The following ACBD6 variants were observed in gnomAD, a reference collection of about 807,000 sequenced individuals.
ACBD6 encodes the protein acyl-CoA binding domain containing 6, also known as acyl-CoA-binding domain-containing protein 6.
Under a neutral mutation model 37.2 loss-of-function variants are expected in ACBD6, and 28 were observed. The observed-to-expected ratio is 0.75, with a 90% CI of 0.56 to 1.03. The LOEUF (loss-of-function observed/expected upper bound fraction) is 1.03. ACBD6 is among the 50% of genes least tolerant of loss of function. ACBD6 has a pLI of 0.00. For synonymous variants in ACBD6, 113 were observed against 126.8 expected, an observed-to-expected ratio of 0.89 and a Z score of 0.73; for missense variants, 340 against 337.4, an observed-to-expected ratio of 1.01 and a Z score of -0.06.
At chr1:180,483,223 C>T (rs575165379) in intron 3 of ACBD6, among the ~76,000 whole-genome samples, 1 of 152,150 alleles carries the variant, frequency 6.6e-6, no homozygotes, top group African/African-American at 2.4e-5. Context: ...GAATGTTCTT[C>T]CCCCTGTATG....
At position 180,350,813 on chromosome 1, in the gene ACBD6, T is replaced by C. The variant is rs561840357; in HGVS notation, c.664-36091A>G. ...TTACCTCTTCCAATGCACTTGCAGA[T>C]GATCTCTCATTATGGGATTTGGTTA... is the stretch of plus-strand genomic sequence containing the variant. On this transcript the variant is annotated intron_variant, in intron 6 of 7. Transcript: ENST00000367595. Among the ~76,000 whole-genome samples the C allele has an allele frequency of 5.9e-5, 9 of 152,342 alleles. 1 individual carries two copies. The highest frequency in any genetic ancestry group is 5.2e-4 in the Admixed American group (8 of 15,302).
intron 3 of ACBD6, among the ~76,000 whole-genome samples, chr1:180,472,270 G>A (rs1344173832): frequency 6.6e-6 from 1 of 152,162 alleles, no homozygotes; most frequent in Non-Finnish European, 1.5e-5. Context: ...GATGTGTAAC[G>A]TTTAGGTGAT....
At chr1:180,328,655 A>G (rs1035681546) in intron 6 of ACBD6, among the ~76,000 whole-genome samples, 1 of 152,158 alleles carries the variant, frequency 6.6e-6, no homozygotes, top group African/African-American at 2.4e-5. Flanking sequence ...TGAGGCACTC[A>G]AGCAAACTGG....
chr1:180,427,647 G>A (rs2101993276), intron 4 of ACBD6, among the ~76,000 whole-genome samples: 1 of 152,256 alleles, frequency 6.6e-6, no homozygotes, highest in African/African-American at 2.4e-5. Context: ...TTCATGCCAG[G>A]CACAGCGGCT....
intron 3 of ACBD6, among the ~76,000 whole-genome samples, chr1:180,471,265 G>A (rs573350066): frequency 6.6e-6 from 1 of 152,136 alleles, no homozygotes; most frequent in East Asian, 1.9e-4. Flanking sequence ...GCCAGGCATG[G>A]TAGCATGTGG....
chr1:180,295,678 C>T (rs1649889305), intron 7 of ACBD6, among the ~76,000 whole-genome samples: 1 of 151,978 alleles, frequency 6.6e-6, no homozygotes. Context: ...TTGTGAGGAT[C>T]TATGATAAAT....
chr1:180,354,638 T>C (rs1307422232), intron 6 of ACBD6, among the ~76,000 whole-genome samples: 1 of 152,172 alleles, frequency 6.6e-6, no homozygotes, highest in Non-Finnish European at 1.5e-5. Context: ...AACCCATGCA[T>C]TCAAAGATAA....
intron 6 of ACBD6, among the ~76,000 whole-genome samples, chr1:180,326,110 G>A (rs1055789503): frequency 2.0e-5 from 3 of 152,208 alleles, no homozygotes; most frequent in Non-Finnish European, 4.4e-5. Flanking sequence ...TTCCTTCAGG[G>A]AAGCAAGTTA....
chr1:180,328,292 TAC>T (rs577645300), intron 6 of ACBD6, among the ~76,000 whole-genome samples: 14 of 150,178 alleles, frequency 9.3e-5, no homozygotes, highest in Admixed American at 3.3e-4. Context: ...TATATATATG[TAC>T]ACACACACAC....
intron 6 of ACBD6, among the ~76,000 whole-genome samples, chr1:180,348,225 A>G (rs1024414884): frequency 2.6e-5 from 4 of 152,262 alleles, no homozygotes; most frequent in Admixed American, 6.5e-5. Flanking sequence ...GGCAAATTAA[A>G]AATAAAACCT....
chr1:180,310,783 A>G (rs1650556732), intron 7 of ACBD6, among the ~76,000 whole-genome samples: 2 of 152,204 alleles, frequency 1.3e-5, no homozygotes. Flanking sequence ...TCTCATCAGC[A>G]ATGTATGAGA....
Position 180,413,477 on chromosome 1 carries a change from A to AT in ACBD6, c.468-7dup. 2 of 1,597,474 alleles carry AT rather than the reference A, an allele frequency of 1.3e-6. No individual in the cohort carries two copies. The highest frequency in any genetic ancestry group is 1.7e-6 in the Non-Finnish European group (2 of 1,167,404). The stretch of plus-strand genomic sequence containing the variant: ...ATATATTTTTGTCTTCTTCCCTAGA[A>AT]TAAAAAAAAGAAAGGTCTTTTTTTA... On this transcript the variant is annotated splice_region_variant and splice_polypyrimidine_tract_variant and intron_variant, in intron 4 of 7. Transcript: ENST00000367595.
At position 180,329,227 on chromosome 1, in the gene ACBD6, A is replaced by G. The variant is rs1215453373; in HGVS notation, c.664-14505T>C. ...AACAAAAACATCATTTACTGTACAC[A>G]CTATAAAAGATGCCTTTACAGTGCA... On this transcript the variant is annotated intron_variant, in intron 6 of 7. Coordinates refer to ENST00000367595, the MANE Select transcript of ACBD6 (RefSeq NM_032360.4). Among the ~76,000 whole-genome samples, 4 of 152,320 alleles carry G rather than the reference A, an allele frequency of 2.6e-5. No homozygotes were observed. In the East Asian group the frequency reaches 7.7e-4, roughly 29 times the overall value.
intron 3 of ACBD6, among the ~76,000 whole-genome samples, chr1:180,480,491 G>A (rs1650987605): frequency 2.6e-5 from 4 of 152,288 alleles, no homozygotes; most frequent in Admixed American, 1.3e-4. Flanking sequence ...CATTAAATAA[G>A]GAAAGAAGCA....
intron 3 of ACBD6, among the ~76,000 whole-genome samples, chr1:180,460,327 G>T (rs1258129100): frequency 6.7e-6 from 1 of 149,660 alleles, no homozygotes; most frequent in African/African-American, 2.5e-5. Flanking sequence ...TGCTGTTTTA[G>T]CAACTTAGCC....
intron 5 of ACBD6, among the ~76,000 whole-genome samples, chr1:180,409,745 C>G (rs4540612): frequency 0.95 from 145,373 of 152,224 alleles, 69,482 homozygotes; most frequent in African/African-American, 0.99. Context: ...CCTATTCACT[C>G]AGACACAAAA....
rs146709411 is a variant in ACBD6 at position 180,405,496 on chromosome 1, G to A, written c.573+7870C>T. ...GGGAGTGCATTAGATAAGAATCTATGGAAAACCAATGAACTATGTATGAAT... is the reference window on the plus strand; with the variant it reads ...GGGAGTGCATTAGATAAGAATCTATAGAAAACCAATGAACTATGTATGAAT... On this transcript the variant is annotated intron_variant, in intron 5 of 7. Transcript: ENST00000367595. 3.5e-4 allele frequency among the ~76,000 whole-genome samples: 54 copies of A among 152,168 alleles called. 1 individual carries two copies. In the East Asian group the frequency reaches 9.6e-3, roughly 27 times the overall value.
In ACBD6 at chr1:180,502,085, C is replaced by T; in HGVS notation, c.182G>A (p.Ser61Asn). The T allele has an allele frequency of 1.2e-6, 2 of 1,613,858 alleles. No homozygotes were observed. The highest frequency in any genetic ancestry group is 1.7e-6 in the Non-Finnish European group (2 of 1,179,912). Residue 61 changes from serine to asparagine, a missense_variant, in exon 1 of 8, where the codon AGC (serine) becomes AAC (asparagine). Physicochemically the swap from Ser to Asn is conservative, Grantham distance 46 (BLOSUM62 1). Transcript: ENST00000367595. Reference sequence around the variant, plus strand: ...ATACAGGTACAAGAGCTGCTCCCTGCTGGCCACCTGAATCAGGCCTTGCAG... The same window carrying T: ...ATACAGGTACAAGAGCTGCTCCCTGTTGGCCACCTGAATCAGGCCTTGCAG... ...AHLQGLIQVASREQLLYLYAR... is the reference protein window; with the variant it reads ...AHLQGLIQVANREQLLYLYAR...
At chr1:180,465,241 G>A (rs985352986) in intron 3 of ACBD6, among the ~76,000 whole-genome samples, 9 of 152,182 alleles carry the variant, frequency 5.9e-5, no homozygotes, top group East Asian at 1.9e-4. Context: ...TCTACAGAAC[G>A]GGAGAGAATA....
Sources: gnomAD v4.1 joint callset for allele counts (sites outside exome capture counted in the v4.1 genomes callset) on GRCh38, gnomAD v4.1.1 for gene constraint, MANE v1.5 for transcripts, NCBI Gene and HGNC (gene_info 2026-07-23, HGNC 2026-07-21) for gene names.